The following EYA2 variants were observed in gnomAD, a reference collection of about 807,000 sequenced individuals.
The protein encoded by EYA2 is protein phosphatase EYA2.
Under a neutral mutation model 69.2 loss-of-function variants are expected in EYA2, and 31 were observed. That is an observed-to-expected ratio of 0.45 (90% CI 0.34 to 0.60). The LOEUF is 0.60. Ranked by LOEUF, EYA2 falls within the 20% of genes least tolerant of loss-of-function variation. The pLI, the probability that EYA2 is intolerant of heterozygous loss-of-function variation, is 0.02. For synonymous variants in EYA2, 257 were observed against 279.4 expected (o/e 0.92, Z 0.80); for missense variants, 622 against 701.2 (o/e 0.89, Z 1.28).
intron 1 of EYA2, among the ~76,000 whole-genome samples, chr20:46,897,470 A>G (rs1370494546): frequency 2.6e-5 from 4 of 152,214 alleles, no homozygotes; most frequent in Non-Finnish European, 5.9e-5. Flanking sequence ...TCCAAAGACA[A>G]CTTGCATCGG....
At chr20:47,067,449 T>G (rs952303601) in intron 5 of EYA2, among the ~76,000 whole-genome samples, 2 of 152,124 alleles carry the variant, frequency 1.3e-5, no homozygotes, top group Admixed American at 1.3e-4. Context: ...AAGAGTATAA[T>G]TGGATTGTTT....
At chr20:46,970,500 G>C (rs1331188242) in intron 1 of EYA2, among the ~76,000 whole-genome samples, 2 of 152,146 alleles carry the variant, frequency 1.3e-5, no homozygotes, top group Admixed American at 6.5e-5. Flanking sequence ...GTACAACAAA[G>C]AATCACCCAG....
chr20:47,075,640 C>T (rs1252487621), intron 7 of EYA2, among the ~76,000 whole-genome samples: 1 of 152,130 alleles, frequency 6.6e-6, no homozygotes, highest in Non-Finnish European at 1.5e-5. Flanking sequence ...AGTATAGCGA[C>T]TCAGGGTCCT....
rs537182217 is a variant in EYA2, at chr20:47,144,281, G to A, written c.978+1133G>A. ...TGAGGCAGGAGAGTAGCGTGAACCCGGAAGGCGGACCTTGCGGTGAGCAGA... is the reference window on the plus strand; with the variant it reads ...TGAGGCAGGAGAGTAGCGTGAACCCAGAAGGCGGACCTTGCGGTGAGCAGA... On this transcript the variant is annotated intron_variant, in intron 10 of 15. Coordinates refer to ENST00000327619, the MANE Select transcript of EYA2 (RefSeq NM_005244.5). 2.2e-4 allele frequency among the ~76,000 whole-genome samples: 33 copies of A among 151,688 alleles called. 1 individual carries two copies. The highest frequency in any genetic ancestry group is 1.5e-4 in the Non-Finnish European group (10 of 67,978).
At chr20:47,100,588 G>T (rs2032396393) in intron 9 of EYA2, among the ~76,000 whole-genome samples, 1 of 152,214 alleles carries the variant, frequency 6.6e-6, no homozygotes, top group South Asian at 2.1e-4. Flanking sequence ...GAGGGAGTAA[G>T]ATCATCCAAG....
At chr20:46,914,561 G>A (rs1440328376) in intron 1 of EYA2, among the ~76,000 whole-genome samples, 1 of 152,150 alleles carries the variant, frequency 6.6e-6, no homozygotes, top group African/African-American at 2.4e-5. Context: ...GGAAGGAGGA[G>A]AATCAGTGCC....
chr20:46,906,093 T>C (rs1468879641), intron 1 of EYA2, among the ~76,000 whole-genome samples: 2 of 152,236 alleles, frequency 1.3e-5, no homozygotes, highest in African/African-American at 4.8e-5. Context: ...GTCTCTATCT[T>C]ATTATGCATT....
intron 5 of EYA2, among the ~76,000 whole-genome samples, chr20:47,026,456 G>A (rs1471917794): frequency 5.3e-5 from 8 of 149,804 alleles, no homozygotes; most frequent in African/African-American, 1.5e-4. Flanking sequence ...TTTTTGGCAC[G>A]GCAAAGAACA....
At chr20:46,946,258 T>G (rs187061251) in intron 1 of EYA2, among the ~76,000 whole-genome samples, 2 of 152,190 alleles carry the variant, frequency 1.3e-5, no homozygotes, top group East Asian at 3.9e-4. Context: ...CCCTAGGAGG[T>G]CTTGCCCGTG....
intron 10 of EYA2, chr20:47,161,082 A>C: frequency 3.2e-6 from 1 of 310,784 alleles, no homozygotes. Flanking sequence ...GATACCCGCC[A>C]TCAGCAGCAG....
intron 10 of EYA2, among the ~76,000 whole-genome samples, chr20:47,149,824 A>T (rs1044839396): frequency 6.6e-6 from 1 of 152,082 alleles, no homozygotes; most frequent in African/African-American, 2.4e-5. Context: ...TGCAGTCCAG[A>T]CTGGGCAACA....
At chr20:47,116,170 C>CTTTT (rs138828415) in intron 9 of EYA2, among the ~76,000 whole-genome samples, 96 of 80,020 alleles carry the variant, frequency 1.2e-3, no homozygotes, top group South Asian at 1.9e-3. Context: ...CATCATCCTT[C>CTTTT]TTTTTTTTTT....
At chr20:47,083,291 G>A (rs565322985) in intron 7 of EYA2, among the ~76,000 whole-genome samples, 113 of 152,170 alleles carry the variant, frequency 7.4e-4, no homozygotes, top group African/African-American at 2.7e-3. Flanking sequence ...AAAGATGCTG[G>A]AACAGCCGAG....
intron 9 of EYA2, among the ~76,000 whole-genome samples, chr20:47,099,706 T>C (rs955979573): frequency 2.6e-5 from 4 of 152,236 alleles, no homozygotes; most frequent in African/African-American, 4.8e-5. Flanking sequence ...ATCCTACTTA[T>C]CTTTCAGTTC....
At chr20:46,951,203 G>T (rs547084840) in intron 1 of EYA2, among the ~76,000 whole-genome samples, 1 of 152,176 alleles carries the variant, frequency 6.6e-6, no homozygotes, top group South Asian at 2.1e-4. Context: ...GTGTGATAAG[G>T]TCATGAGGCT....
rs531615092 is a variant in EYA2, at chr20:47,005,655, A to G, written c.298+571A>G. 2.6e-5 allele frequency among the ~76,000 whole-genome samples: 4 copies of G among 152,372 alleles called. 1 individual carries two copies. In the South Asian group the frequency reaches 8.3e-4, roughly 32 times the overall value. ...GATGGAGATAAGGAAGCTGAAGCCTATGGATTATCTTTGAAGGAGGGGTGG... is the reference window on the plus strand; with the variant it reads ...GATGGAGATAAGGAAGCTGAAGCCTGTGGATTATCTTTGAAGGAGGGGTGG... On this transcript the variant is annotated intron_variant, in intron 4 of 15. Transcript: ENST00000327619.
intron 4 of EYA2, among the ~76,000 whole-genome samples, chr20:47,014,079 G>A (rs1983252544): frequency 6.6e-6 from 1 of 152,170 alleles, no homozygotes; most frequent in South Asian, 2.1e-4. Context: ...TAAAAGAGAT[G>A]TGTTCTTTAA....
At chr20:47,072,320 C>G in intron 6 of EYA2, 68 bp downstream of exon 6, 1 of 1,434,040 alleles carries the variant, frequency 7.0e-7, no homozygotes, top group Non-Finnish European at 9.6e-7. Context: ...CATCAGGGCA[C>G]CCAGAGAGCC....
intron 5 of EYA2, among the ~76,000 whole-genome samples, chr20:47,036,413 A>T (rs1441218131): frequency 6.6e-6 from 1 of 152,214 alleles, no homozygotes; most frequent in Non-Finnish European, 1.5e-5. Flanking sequence ...AATATTGTGG[A>T]ACAGGAATGG....
Sources: allele counts gnomAD v4.1 joint callset (sites outside exome capture counted in the v4.1 genomes callset), GRCh38; gene constraint gnomAD v4.1.1; transcripts MANE v1.5; gene names NCBI Gene and HGNC (gene_info 2026-07-23, HGNC 2026-07-21).